The following WWOX variants were observed in gnomAD, a reference collection of about 807,000 sequenced individuals.
The protein encoded by WWOX is WW domain-containing oxidoreductase.
WWOX carries 69 observed loss-of-function variants against 46.2 expected under a neutral mutation model. The observed-to-expected ratio is 1.49, with a 90% CI of 1.23 to 1.82. The LOEUF (loss-of-function observed/expected upper bound fraction) is 1.82. Among genes scored for constraint, WWOX ranks in the 40% most tolerant of loss-of-function variants. The pLI, the probability that WWOX is intolerant of heterozygous loss-of-function variation, is 0.00. For synonymous variants in WWOX, 359 were observed against 202.6 expected (o/e 1.77, Z -6.56); for missense variants, 919 against 542.6 (o/e 1.69, Z -6.89).
intron 4 of WWOX, among the ~76,000 whole-genome samples, chr16:78,130,461 G>A (rs181271192): frequency 3.8e-4 from 58 of 152,262 alleles, no homozygotes; most frequent in Non-Finnish European, 6.3e-4. Flanking sequence ...AGAAATGTCT[G>A]CTATTTAAGC....
chr16:78,910,577 G>A (rs2045084273), intron 8 of WWOX, among the ~76,000 whole-genome samples: 1 of 151,342 alleles, frequency 6.6e-6, no homozygotes, highest in South Asian at 2.1e-4. Context: ...ACATACCCAA[G>A]ACTGAGTAAT....
intron 4 of WWOX, among the ~76,000 whole-genome samples, chr16:78,147,996 A>G (rs530410466): frequency 6.6e-6 from 1 of 152,060 alleles, no homozygotes; most frequent in African/African-American, 2.4e-5. Context: ...GCTCTAAATC[A>G]TAAAGAACCC....
intron 5 of WWOX, chr16:78,237,495 C>T (rs1341309246): frequency 1.3e-5 from 2 of 152,100 alleles, no homozygotes; most frequent in Non-Finnish European, 2.9e-5. Context: ...TCCCTCTGAT[C>T]CAGCCAAGTG....
intron 8 of WWOX, among the ~76,000 whole-genome samples, chr16:79,182,293 T>C (rs2050927965): frequency 6.6e-6 from 1 of 152,100 alleles, no homozygotes; most frequent in South Asian, 2.1e-4. Context: ...CCCTGCCCCA[T>C]GATATACCAG....
chr16:78,103,770 C>G (rs1398840314), intron 1 of WWOX, among the ~76,000 whole-genome samples: 3 of 152,062 alleles, frequency 2.0e-5, no homozygotes, highest in Non-Finnish European at 2.9e-5. Flanking sequence ...ATTGTTTCTC[C>G]TACTGTAGCA....
At chr16:78,436,948 T>C (rs1181737287) in intron 8 of WWOX, among the ~76,000 whole-genome samples, 1 of 152,236 alleles carries the variant, frequency 6.6e-6, no homozygotes, top group East Asian at 1.9e-4. Context: ...ATTTCTTCCG[T>C]AGGTAAAGGC....
At chr16:78,422,172 A>G (rs1011927319) in intron 6 of WWOX, among the ~76,000 whole-genome samples, 3 of 152,170 alleles carry the variant, frequency 2.0e-5, no homozygotes, top group African/African-American at 7.2e-5. Context: ...ATAGATTTGT[A>G]AGAACTCTTT....
At chr16:78,747,464 G>A (rs1054238444) in intron 8 of WWOX, among the ~76,000 whole-genome samples, 1 of 152,102 alleles carries the variant, frequency 6.6e-6, no homozygotes, top group Admixed American at 6.5e-5. Context: ...CATTTATGAA[G>A]TGCTCATTAT....
chr16:78,456,748 A>G (rs1376890395), intron 8 of WWOX, among the ~76,000 whole-genome samples: 1 of 152,276 alleles, frequency 6.6e-6, no homozygotes, highest in Non-Finnish European at 1.5e-5. Flanking sequence ...TCTCAGTTTC[A>G]TAATATGTGT....
At chr16:78,992,166 C>T (rs1323952301) in intron 8 of WWOX, among the ~76,000 whole-genome samples, 2 of 152,290 alleles carry the variant, frequency 1.3e-5, no homozygotes, top group South Asian at 2.1e-4. Context: ...GGTAAAGAAG[C>T]CTGCTTGGGA....
In WWOX at chr16:78,338,163, C is replaced by G. The variant is rs529100188; in HGVS notation, c.517-48697C>G. ...CAGTACTATTAATATGAATTTATCA[C>G]ATGGAAACAAACTTTTAAAAAAATT... On this transcript the variant is annotated intron_variant, in intron 5 of 8. Transcript: ENST00000566780. Among the ~76,000 whole-genome samples, 2 of 109,092 alleles carry G rather than the reference C, an allele frequency of 1.8e-5. 1 individual carries two copies. Among genetic ancestry groups the G allele is most frequent in the Non-Finnish European group, 4.3e-5 (2 of 46,408 alleles). The allele number at this position is 109,092 out of a possible 152,430, so 71.6% of individuals were successfully genotyped here.
At chr16:78,531,177 CAG>C (rs1477054507) in intron 8 of WWOX, among the ~76,000 whole-genome samples, 2 of 151,924 alleles carry the variant, frequency 1.3e-5, no homozygotes, top group Admixed American at 6.6e-5. Context: ...AAGCAGAAAA[CAG>C]AGGTCTCAAT....
rs1408379422 is a variant in WWOX at position 79,212,363 on chromosome 16, A to G, written c.*567A>G. The G allele has an allele frequency of 5.3e-6, 3 of 566,520 alleles. No homozygotes were observed. Among genetic ancestry groups the G allele is most frequent in the Non-Finnish European group, 9.0e-6 (3 of 333,822 alleles). 35.1% of individuals were successfully genotyped at this position (566,520 alleles called of 1,614,324 possible). ...GAGGATGACAGTGACACCCAGAGGGAGTAGAATACGCAGAACTACCAGGTG... is the reference window on the plus strand; with the variant it reads ...GAGGATGACAGTGACACCCAGAGGGGGTAGAATACGCAGAACTACCAGGTG... On this transcript the variant is annotated 3_prime_UTR_variant, in exon 9 of 9. Transcript: ENST00000566780.
intron 8 of WWOX, among the ~76,000 whole-genome samples, chr16:79,131,297 T>A (rs1457150350): frequency 6.6e-6 from 1 of 152,098 alleles, no homozygotes; most frequent in Non-Finnish European, 1.5e-5. Flanking sequence ...CCAAGAGGCA[T>A]GGATCCTTGA....
Position 78,259,777 on chromosome 16 carries a change from C to CT in WWOX, c.516+95497dup, listed in dbSNP as rs754839929. Among the ~76,000 whole-genome samples, 781 of 149,934 alleles carry CT rather than the reference C, an allele frequency of 5.2e-3. 19 individuals are homozygous for CT. Among genetic ancestry groups the CT allele is most frequent in the Middle Eastern group, 6.8e-3 (2 of 294 alleles). Reference sequence around the variant, plus strand: ...AGATCTCTATCAAAAGTTTTATAAACTTTTTTTTTACCTAGGAATTTCATA... The same window carrying CT: ...AGATCTCTATCAAAAGTTTTATAAACTTTTTTTTTTACCTAGGAATTTCATA... On this transcript the variant is annotated intron_variant, in intron 5 of 8. Coordinates refer to ENST00000566780, the MANE Select transcript of WWOX (RefSeq NM_016373.4).
At chr16:78,678,715 T>C (rs2047660398) in intron 8 of WWOX, among the ~76,000 whole-genome samples, 1 of 152,150 alleles carries the variant, frequency 6.6e-6, no homozygotes, top group African/African-American at 2.4e-5. Context: ...GGTCAAGATT[T>C]TGACGGAGGG....
chr16:78,933,387 C>T (rs1028543549), intron 8 of WWOX, among the ~76,000 whole-genome samples: 15 of 152,174 alleles, frequency 9.9e-5, no homozygotes, highest in Admixed American at 8.5e-4. Context: ...TATGTTGAGC[C>T]AAGATTGTGC....
At chr16:78,360,400 A>G (rs1022785618) in intron 5 of WWOX, among the ~76,000 whole-genome samples, 2 of 152,056 alleles carry the variant, frequency 1.3e-5, no homozygotes, top group African/African-American at 4.8e-5. Context: ...AGCCTGGTCA[A>G]ATAGTGAAAT....
intron 5 of WWOX, among the ~76,000 whole-genome samples, chr16:78,292,811 G>A (rs1363878897): frequency 1.3e-5 from 2 of 152,168 alleles, no homozygotes; most frequent in African/African-American, 2.4e-5. Context: ...AGAGCTGAAT[G>A]TGCACTTCAT....
Sources: gnomAD v4.1 joint callset for allele counts (sites outside exome capture counted in the v4.1 genomes callset) on GRCh38, gnomAD v4.1.1 for gene constraint, MANE v1.5 for transcripts, NCBI Gene and HGNC (gene_info 2026-07-23, HGNC 2026-07-21) for gene names.